Variants in SLC28A1 observed in about 807,000 individuals in gnomAD.
SLC28A1 encodes the protein solute carrier family 28 member 1, also known as sodium/nucleoside cotransporter 1.
SLC28A1 carries 64 observed loss-of-function variants against 74.8 expected under a neutral mutation model. The observed-to-expected ratio is 0.86, with a 90% CI of 0.70 to 1.05. SLC28A1 has a LOEUF of 1.05. Ranked by LOEUF, SLC28A1 falls within the 50% of genes least tolerant of loss-of-function variation. The pLI, the probability that SLC28A1 is intolerant of heterozygous loss-of-function variation, is 0.00. For missense variants in SLC28A1, 828 were observed against 822.8 expected, an observed-to-expected ratio of 1.01 and a Z score of -0.08; for synonymous variants, 359 against 335.0, an observed-to-expected ratio of 1.07 and a Z score of -0.78.
At position 84,924,897 on chromosome 15, in the gene SLC28A1, A is replaced by ATTTTTTTTTTTTTTTTTT; in HGVS notation, c.1083+795_1083+796insTTTTTTTTTTTTTTTTTT. ...GGGTAACTGATTTTATTTTTTATTAATTTTTTTTGTTTGTTTGTTTTTGAG... is the reference window on the plus strand; with the variant it reads ...GGGTAACTGATTTTATTTTTTATTAATTTTTTTTTTTTTTTTTTTTTTTTTTGTTTGTTTGTTTTTGAG... On this transcript the variant is annotated intron_variant, in intron 12 of 18. Transcript: ENST00000394573. 1.4e-5 allele frequency among the ~76,000 whole-genome samples: 2 copies of ATTTTTTTTTTTTTTTTTT among 139,790 alleles called. 1 individual carries two copies. 91.7% of individuals were successfully genotyped at this position (139,790 alleles called of 152,430 possible).
At chr15:84,955,803 G>A in the SLC28A1 span, among the ~76,000 whole-genome samples, 1 of 152,150 alleles carries the variant, frequency 6.6e-6, no homozygotes, top group Non-Finnish European at 1.5e-5. Context: ...GTTGTGGACA[G>A]GAGGAGTCAC....
the SLC28A1 span, among the ~76,000 whole-genome samples, chr15:84,960,752 A>G: frequency 6.6e-6 from 1 of 152,210 alleles, no homozygotes; most frequent in Non-Finnish European, 1.5e-5. Flanking sequence ...TGAGCTTCAC[A>G]GTTCAGCTTT....
chr15:84,951,640 G>A, the SLC28A1 span, among the ~76,000 whole-genome samples: 2 of 151,956 alleles, frequency 1.3e-5, no homozygotes, highest in African/African-American at 4.8e-5. Flanking sequence ...TTTCCTGCGG[G>A]GATCCTGATG....
intron 11 of SLC28A1, among the ~76,000 whole-genome samples, chr15:84,922,577 T>C (rs1266198904): frequency 6.6e-6 from 1 of 152,112 alleles, no homozygotes; most frequent in Non-Finnish European, 1.5e-5. Context: ...CTCCTACCTC[T>C]TCTTCCTTCC....
intron 9 of SLC28A1, among the ~76,000 whole-genome samples, chr15:84,916,797 G>T (rs551073538): frequency 1.1e-4 from 16 of 152,278 alleles, no homozygotes; most frequent in Admixed American, 9.1e-4. Flanking sequence ...GGAGAATGGG[G>T]TGGGCAGATC....
chr15:84,888,628 G>A (rs1964891347), intron 3 of SLC28A1, 144 bp from the exon 4 acceptor site: 1 of 676,088 alleles, frequency 1.5e-6, no homozygotes, highest in Admixed American at 2.1e-5. Context: ...GCAGAATCCA[G>A]TTTAGTAGCC....
the SLC28A1 span, among the ~76,000 whole-genome samples, chr15:84,959,099 C>CAAA: frequency 8.5e-5 from 4 of 47,084 alleles, no homozygotes; most frequent in African/African-American, 8.7e-5. Flanking sequence ...GGCTTCATCT[C>CAAA]AAAAAAAAAA....
chr15:84,956,666 CTT>C, the SLC28A1 span, among the ~76,000 whole-genome samples: 35,567 of 134,172 alleles, frequency 0.27, 4,711 homozygotes, highest in South Asian at 0.45. Flanking sequence ...CTAATTTTTA[CTT>C]TTTTTTTTTT....
intron 1 of SLC28A1, 154 bp from the exon 2 acceptor site, chr15:84,886,518 G>T: frequency 2.0e-6 from 2 of 985,456 alleles, no homozygotes; most frequent in Non-Finnish European, 2.4e-6. Context: ...CAGTGGGCAG[G>T]AGCTGCAGGG....
chr15:84,973,615 C>G, the SLC28A1 span, among the ~76,000 whole-genome samples: 4 of 152,210 alleles, frequency 2.6e-5, no homozygotes, highest in Admixed American at 6.5e-5. Flanking sequence ...GGTGCCCACC[C>G]TCCACCCTCC....
rs191099985 is a variant in SLC28A1, at chr15:84,921,023, C to T, written c.911C>T (p.Thr304Ile). 8.1e-5 allele frequency: 131 copies of T among 1,614,138 alleles called. No individual in the cohort carries two copies. The highest frequency in any genetic ancestry group is 9.5e-5 in the Non-Finnish European group (112 of 1,179,968). The change falls in exon 11 of 19, where the codon ACA becomes ATA. Residue 304 changes from threonine to isoleucine, a missense_variant. By Grantham distance (89) the Thr-to-Ile change is moderately conservative. This residue lies in a region of SLC28A1 where 767 missense variants were observed against 753.5 expected (regional missense o/e 1.02). Coordinates refer to ENST00000394573, the MANE Select transcript of SLC28A1 (RefSeq NM_004213.5). ...AWLMQVTMGTTATETLSVAGN... is the reference protein window; with the variant it reads ...AWLMQVTMGTIATETLSVAGN... The stretch of plus-strand genomic sequence containing the variant: ...CTGATGCAAGTCACCATGGGCACCA[C>T]AGCCACTGAGACCCTGAGTGTGGCT...
intron 15 of SLC28A1, among the ~76,000 whole-genome samples, chr15:84,942,644 C>T (rs1455636902): frequency 6.6e-6 from 1 of 152,160 alleles, no homozygotes; most frequent in East Asian, 1.9e-4. Context: ...TCAAGCTGAT[C>T]ATTGGTGAGA....
Position 84,924,007 on chromosome 15 carries a change from G to C in SLC28A1, c.980G>C (p.Arg327Pro). ...CAGACCGAGGCTCCATTACTGATCCGGCCCTACTTGGCAGACATGACACTC... is the reference window on the plus strand; with the variant it reads ...CAGACCGAGGCTCCATTACTGATCCCGCCCTACTTGGCAGACATGACACTC... ...VSQTEAPLLI[R>P]PYLADMTLSE... Residue 327 changes from arginine (R) to proline (P), a missense_variant, in exon 12 of 19, where the codon CGG becomes CCG. Physicochemically the swap from Arg to Pro is moderately radical, Grantham distance 103 (BLOSUM62 -2). Transcript: ENST00000394573. 1.2e-6 allele frequency: 2 copies of C among 1,613,988 alleles called. No homozygotes were observed. The highest frequency in any genetic ancestry group is 1.7e-6 in the Non-Finnish European group (2 of 1,180,004).
chr15:84,935,963 T>G (rs1215062660), intron 15 of SLC28A1, among the ~76,000 whole-genome samples: 2 of 141,898 alleles, frequency 1.4e-5, no homozygotes, highest in Non-Finnish European at 3.1e-5. Flanking sequence ...TTTTTTTTTT[T>G]TTTTTTTTTG....
At chr15:84,966,805 C>A in the SLC28A1 span, among the ~76,000 whole-genome samples, 1 of 152,196 alleles carries the variant, frequency 6.6e-6, no homozygotes. Context: ...TCAATTACCT[C>A]CCACCAGGTC....
chr15:84,890,587 T>A (rs1965258509), intron 5 of SLC28A1, 53 bp downstream of exon 5: 8 of 1,410,110 alleles, frequency 5.7e-6, no homozygotes, highest in Non-Finnish European at 5.9e-6. Context: ...GCCTCAGCTA[T>A]CCATGTCTCA....
rs1596229054 is a variant in SLC28A1 at position 84,897,405 on chromosome 15, CA to C, written c.461+2285del. On this transcript the variant is annotated intron_variant, in intron 6 of 18. Transcript: ENST00000394573. ...CGTCTCAGAAAAAAAAAATCCAAACCAAACAAACAAACAAACAAAAATACAC... is the reference window on the plus strand; with the variant it reads ...CGTCTCAGAAAAAAAAAATCCAAACCAACAAACAAACAAACAAAAATACAC... Among the ~76,000 whole-genome samples the C allele has an allele frequency of 8.1e-5, 12 of 148,402 alleles. No homozygotes were observed. The South Asian group carries it at 1.2e-3, about 15-fold the overall frequency.
intron 9 of SLC28A1, among the ~76,000 whole-genome samples, chr15:84,909,904 A>G (rs903337853): frequency 1.4e-4 from 21 of 152,230 alleles, no homozygotes; most frequent in African/African-American, 5.1e-4. Flanking sequence ...CACTGTTCCC[A>G]GAGTCTCCCC....
intron 12 of SLC28A1, chr15:84,926,391 C>T (rs555567925): frequency 9.3e-5 from 20 of 214,390 alleles, no homozygotes; most frequent in Admixed American, 2.5e-4. Context: ...TTGGTAGAGA[C>T]GGGATCTTGC....
Sources: allele counts gnomAD v4.1 joint callset (sites outside exome capture counted in the v4.1 genomes callset), GRCh38; gene constraint gnomAD v4.1.1; regional missense constraint gnomAD v4.1.1; transcripts MANE v1.5; gene names NCBI Gene and HGNC (gene_info 2026-07-23, HGNC 2026-07-21).